The following FNDC1 variants were observed in gnomAD, a reference collection of about 807,000 sequenced individuals.
FNDC1 encodes fibronectin type III domain-containing protein 1.
Under a neutral mutation model 168.0 loss-of-function variants are expected in FNDC1, and 96 were observed. That is an observed-to-expected ratio of 0.57 (90% CI 0.48 to 0.68). FNDC1 has a LOEUF of 0.68. FNDC1 is among the 30% of genes least tolerant of loss of function. The pLI is 0.00. For missense variants in FNDC1, 2,587 were observed against 2,482.1 expected (o/e 1.04, Z -0.90); for synonymous variants, 1,099 against 1,025.9 (o/e 1.07, Z -1.36).
At chr6:159,215,763 C>A (rs939226877) in intron 5 of FNDC1, among the ~76,000 whole-genome samples, 1 of 152,162 alleles carries the variant, frequency 6.6e-6, no homozygotes, top group African/African-American at 2.4e-5. Flanking sequence ...AAGCATCCAG[C>A]ACAGGAGAAG....
intron 4 of FNDC1, among the ~76,000 whole-genome samples, chr6:159,210,004 A>C (rs1782564997): frequency 6.6e-6 from 1 of 152,196 alleles, no homozygotes; most frequent in Admixed American, 6.5e-5. Context: ...TACACATTTA[A>C]GAGGAATAGT....
At chr6:159,260,262 C>A (rs966171034) in intron 18 of FNDC1, among the ~76,000 whole-genome samples, 1 of 152,162 alleles carries the variant, frequency 6.6e-6, no homozygotes, top group African/African-American at 2.4e-5. Flanking sequence ...GAGGAAAGCA[C>A]AAAGATTAAG....
chr6:159,232,524 C>A lies in FNDC1; in HGVS notation c.2012C>A (p.Ser671Tyr), dbSNP rs764669149. The change falls in exon 11 of 23, where the codon TCC (serine) becomes TAC (tyrosine). Residue 671 changes from serine (S) to tyrosine (Y), a missense_variant. Coordinates refer to ENST00000297267, the MANE Select transcript of FNDC1 (RefSeq NM_032532.3). This position sits in a 1 kb window ranked among gnomAD's most constrained non-coding sequence, Gnocchi z 4.9. The stretch of plus-strand genomic sequence containing the variant: ...TTCGCCCAGCCCCGGCCAGCCCTGT[C>A]CCCCAGCCGCCAGTCCCCGTCCAGC... ...GAFAQPRPALSPSRQSPSSVL... is the reference protein window; with the variant it reads ...GAFAQPRPALYPSRQSPSSVL... The A allele has an allele frequency of 6.2e-7, 1 of 1,612,198 alleles. No homozygotes were observed. The highest frequency in any genetic ancestry group is 1.1e-5 in the South Asian group (1 of 90,902).
At chr6:159,175,087 G>A (rs908142731) in intron 1 of FNDC1, among the ~76,000 whole-genome samples, 1 of 152,060 alleles carries the variant, frequency 6.6e-6, no homozygotes, top group Non-Finnish European at 1.5e-5. Flanking sequence ...TTTTACCGCA[G>A]TCTCCTACAT....
rs1261762824 is a variant in FNDC1 at position 159,225,600 on chromosome 6, A to T, written c.950A>T (p.Asn317Ile). The T allele has an allele frequency of 6.2e-7, 1 of 1,613,946 alleles. No homozygotes were observed. The highest frequency in any genetic ancestry group is 1.1e-5 in the South Asian group (1 of 91,040). Reference sequence around the variant, plus strand: ...AGGTGGGATTATAAGCAGATCGCTAACAGGCGTGTGCTGATTGAGAACCTG... The same window carrying T: ...AGGTGGGATTATAAGCAGATCGCTATCAGGCGTGTGCTGATTGAGAACCTG... ...LARWDYKQIA[N>I]RRVLIENLIP... Residue 317 changes from asparagine (N) to isoleucine (I), a missense_variant, in exon 8 of 23, where the codon AAC becomes ATC. Asn to Ile is a moderately radical substitution (Grantham distance 149). Coordinates refer to ENST00000297267, the MANE Select transcript of FNDC1 (RefSeq NM_032532.3).
At chr6:159,226,629 A>G (rs1288905363) in intron 9 of FNDC1, 49 bp downstream of exon 9, 32 of 1,410,492 alleles carry the variant, frequency 2.3e-5, no homozygotes, top group Non-Finnish European at 3.1e-5. Context: ...TCTGATGAAC[A>G]TGGCCTCTGC....
intron 16 of FNDC1, among the ~76,000 whole-genome samples, chr6:159,249,480 G>A (rs1418811919): frequency 1.3e-5 from 2 of 152,208 alleles, no homozygotes; most frequent in South Asian, 2.1e-4. Flanking sequence ...GGGAACATGA[G>A]TGTTTTTATT....
At chr6:159,248,788 G>A (rs1562307977) in intron 15 of FNDC1, among the ~76,000 whole-genome samples, 3 of 152,170 alleles carry the variant, frequency 2.0e-5, no homozygotes, top group Admixed American at 1.3e-4. Flanking sequence ...CTGGTCATAT[G>A]TGTTTCTTTT....
At position 159,229,940 on chromosome 6, in the gene FNDC1, CG is replaced by C; in HGVS notation, c.1309del (p.Ala437ProfsTer73). 1 of 1,613,904 alleles carries C rather than the reference CG, an allele frequency of 6.2e-7. No homozygotes were observed. The highest frequency in any genetic ancestry group is 8.5e-7 in the Non-Finnish European group (1 of 1,179,844). On this transcript the variant is annotated frameshift_variant, in exon 10 of 23. Transcript: ENST00000297267. LOFTEE classifies it high-confidence loss of function. The stretch of plus-strand genomic sequence containing the variant: ...TGGGGAACGCTATCTTTTCAAAATC[CG>C]GGCCACAAACAGGAGAGGCCTGGGA... ...QPGERYLFKI[R>X]ATNRRGLGPH...
chr6:159,222,530 CA>C, intron 6 of FNDC1, among the ~76,000 whole-genome samples: 1 of 152,220 alleles, frequency 6.6e-6, no homozygotes, highest in East Asian at 1.9e-4. Flanking sequence ...CTAAAACAAA[CA>C]AAAAACCCAA....
chr6:159,267,379 T>C (rs1041869255), intron 21 of FNDC1, among the ~76,000 whole-genome samples: 2 of 152,176 alleles, frequency 1.3e-5, no homozygotes, highest in African/African-American at 2.4e-5. Flanking sequence ...ATGGACAGCG[T>C]CTCATGCCAC....
chr6:159,253,095 C>T (rs932190411), intron 17 of FNDC1, among the ~76,000 whole-genome samples: 2 of 152,240 alleles, frequency 1.3e-5, no homozygotes, highest in Non-Finnish European at 2.9e-5. Flanking sequence ...GCCTTCATGT[C>T]CTCACATGCC....
At position 159,225,695 on chromosome 6, in the gene FNDC1, T is replaced by C. The variant is rs1204272991; in HGVS notation, c.1045T>C (p.Ser349Pro). 6.2e-7 allele frequency: 1 copy of C among 1,612,060 alleles called. No homozygotes were observed. Among genetic ancestry groups the C allele is most frequent in the Non-Finnish European group, 8.5e-7 (1 of 1,178,410 alleles). The change falls in exon 8 of 23, where the codon TCA (serine) becomes CCA (proline). Residue 349 changes from serine (S) to proline (P), a missense_variant. By Grantham distance (74) the Ser-to-Pro change is moderately conservative (BLOSUM62 -1). Transcript: ENST00000297267. ...QGERDGKWST[S>P]VFQRTPESAP... ...TGAAAGAGATGGCAAATGGAGTACG[T>C]CAGTCTTCCAAAGAACACCAGAATC...
Position 159,233,008 on chromosome 6 carries a change from A to G in FNDC1, c.2496A>G (p.Pro832=). The G allele has an allele frequency of 6.2e-7, 1 of 1,612,790 alleles. No individual in the cohort carries two copies. The highest frequency in any genetic ancestry group is 8.5e-7 in the Non-Finnish European group (1 of 1,179,640). Residue 832 remains proline, a synonymous_variant, in exon 11 of 23, where the codon CCA becomes CCG. Transcript: ENST00000297267. This position sits in a 1 kb window ranked among gnomAD's most constrained non-coding sequence, Gnocchi z 4.6. The part of the protein sequence containing the change: ...HKPFAANGRS[P]SRFSIGRGPR... The stretch of plus-strand genomic sequence containing the variant: ...CCTTTGCTGCCAACGGGAGGTCTCC[A>G]AGCAGGTTCAGCATTGGGCGGGGAC...
rs1783088242 is a variant in FNDC1 at position 159,231,827 on chromosome 6, C to G, written c.1370-55C>G. On this transcript the variant is annotated intron_variant, in intron 10 of 22. Coordinates refer to ENST00000297267, the MANE Select transcript of FNDC1 (RefSeq NM_032532.3). ...TGTTTTAAATACTGTGTCTCACCTC[C>G]GCTTTCGCTTTTGAGTTTCTTCTTT... 9 of 1,466,796 alleles carry G rather than the reference C, an allele frequency of 6.1e-6. No individual in the cohort carries two copies. The East Asian group carries it at 2.1e-4, about 34-fold the overall frequency. The allele number at this position is 1,466,796 out of a possible 1,614,324, so 90.9% of individuals were successfully genotyped here.
rs1783327488 is a variant in FNDC1, at chr6:159,238,753, A to G, written c.4180+88A>G. 4 of 886,992 alleles carry G rather than the reference A, an allele frequency of 4.5e-6. 1 individual carries two copies. In the South Asian group the frequency reaches 6.9e-5, roughly 15 times the overall value. 54.9% of individuals were successfully genotyped at this position (886,992 alleles called of 1,614,324 possible). A position where few individuals can be genotyped will look rare whatever the true frequency, so the allele number is the denominator to read the frequency against. Reference sequence around the variant, plus strand: ...TATCTTCCTTCTCCCCCTCATTTATAATGAATGGTCATGGGTTAGTTACTT... The same window carrying G: ...TATCTTCCTTCTCCCCCTCATTTATGATGAATGGTCATGGGTTAGTTACTT... On this transcript the variant is annotated intron_variant, in intron 13 of 22. Transcript: ENST00000297267.
chr6:159,178,886 C>T (rs563888795), intron 1 of FNDC1, among the ~76,000 whole-genome samples: 5 of 152,158 alleles, frequency 3.3e-5, no homozygotes, highest in South Asian at 4.1e-4. Context: ...TGTCCTCTCC[C>T]GCAACATTCC....
At position 159,178,015 on chromosome 6, in the gene FNDC1, C is replaced by A. The variant is rs372723216; in HGVS notation, c.109+8310C>A. Among the ~76,000 whole-genome samples, 12 of 152,236 alleles carry A rather than the reference C, an allele frequency of 7.9e-5. No individual in the cohort carries two copies. In the East Asian group the frequency reaches 1.5e-3, roughly 20 times the overall value. On this transcript the variant is annotated intron_variant, in intron 1 of 22. Coordinates refer to ENST00000297267, the MANE Select transcript of FNDC1 (RefSeq NM_032532.3). ...TAAGAAGGATGAATGTTGTCAGAAT[C>A]AAAATGGAGTCACTTATGCTAAAAC...
rs1224802919 is a variant in FNDC1 at position 159,233,419 on chromosome 6, A to C, written c.2907A>C (p.Pro969=). The change falls in exon 11 of 23, where the codon CCA becomes CCC. Residue 969 remains proline, a synonymous_variant. Coordinates refer to ENST00000297267, the MANE Select transcript of FNDC1 (RefSeq NM_032532.3). This position sits in a 1 kb window ranked among gnomAD's most constrained non-coding sequence, Gnocchi z 4.6. ...AGGGTCATTCTCCCAAAGCACAGCC[A>C]GGGTCCACAGACCGCCACGCGTCCC... The part of the protein sequence containing the change: ...DTEGHSPKAQ[P]GSTDRHASPA... 1 of 1,612,422 alleles carries C rather than the reference A, an allele frequency of 6.2e-7. No homozygotes were observed. Among genetic ancestry groups the C allele is most frequent in the Admixed American group, 1.7e-5 (1 of 59,936 alleles).
Sources: allele counts gnomAD v4.1 joint callset (sites outside exome capture counted in the v4.1 genomes callset), GRCh38; gene constraint gnomAD v4.1.1; non-coding constraint Gnocchi (gnomAD v3.1); transcripts MANE v1.5; gene names NCBI Gene and HGNC (gene_info 2026-07-23, HGNC 2026-07-21).